The following PTBP2 variants were observed in gnomAD, a reference collection of about 807,000 sequenced individuals.
PTBP2 encodes the protein polypyrimidine tract-binding protein 2.
A neutral mutation model predicts 61.4 loss-of-function variants in PTBP2; 13 were observed. That is an observed-to-expected ratio of 0.21 (90% CI 0.14 to 0.34). The LOEUF is 0.34. PTBP2 is among the 10% of genes least tolerant of loss of function. The pLI, the probability that PTBP2 is intolerant of heterozygous loss-of-function variation, is 1.00. For synonymous variants in PTBP2, 215 were observed against 218.5 expected (o/e 0.98, Z 0.14); for missense variants, 405 against 642.6 (o/e 0.63, Z 4.00).
chr1:96,813,241 A>G (rs369103082), intron 13 of PTBP2, 35 bp from the exon 14 acceptor site: 68 of 1,573,878 alleles, frequency 4.3e-5, no homozygotes, highest in Non-Finnish European at 5.2e-5. Flanking sequence ...TCTAATTTGT[A>G]TGAAGTGTCT....
intron 8 of PTBP2, among the ~76,000 whole-genome samples, chr1:96,798,301 G>A (rs1660600029): frequency 6.6e-6 from 1 of 151,904 alleles, no homozygotes; most frequent in Non-Finnish European, 1.5e-5. Context: ...AGCTACTCAG[G>A]AGGCTGAGTC....
chr1:96,813,661 C>CTTTTTTTTTTTTTTTTT lies in PTBP2; in HGVS notation c.*261_*277dup, dbSNP rs66475516. ...TGTTTAAAATTTCAGTTTAATTTTG[C>CTTTTTTTTTTTTTTTTT]TTTTTTTTTTTTTTTTTTTTTCCTT... On this transcript the variant is annotated 3_prime_UTR_variant, in exon 14 of 14. Coordinates refer to ENST00000674951, the MANE Select transcript of PTBP2 (RefSeq NM_021190.4). 1 of 120,676 alleles carries CTTTTTTTTTTTTTTTTT rather than the reference C, an allele frequency of 8.3e-6. No homozygotes were observed. Among genetic ancestry groups the CTTTTTTTTTTTTTTTTT allele is most frequent in the African/African-American group, 4.0e-5 (1 of 24,966 alleles). The allele number at this position is 120,676 out of a possible 1,614,324, so 7.5% of individuals were successfully genotyped here.
chr1:96,739,661 C>G (rs1652727401), intron 2 of PTBP2, among the ~76,000 whole-genome samples: 1 of 114,190 alleles, frequency 8.8e-6, no homozygotes, highest in Non-Finnish European at 1.6e-5. Context: ...GAGTCTTACT[C>G]TGTCGCCCAG....
intron 8 of PTBP2, among the ~76,000 whole-genome samples, chr1:96,804,075 A>G (rs1365120994): frequency 3.9e-5 from 6 of 152,210 alleles, no homozygotes; most frequent in Non-Finnish European, 7.4e-5. Flanking sequence ...GGAAATTAGA[A>G]CAATAAAATA....
intron 2 of PTBP2, among the ~76,000 whole-genome samples, chr1:96,748,661 T>A (rs1488208547): frequency 2.6e-5 from 4 of 152,200 alleles, no homozygotes; most frequent in South Asian, 4.1e-4. Flanking sequence ...TAATTAAAAA[T>A]TTTTTAAAGA....
At chr1:96,806,591 T>C (rs1296675526) in intron 10 of PTBP2, 139 bp downstream of exon 10, 6 of 970,240 alleles carry the variant, frequency 6.2e-6, no homozygotes, top group Non-Finnish European at 9.2e-6. Context: ...AAACTCTCCA[T>C]AGACACAAAA....
intron 2 of PTBP2, among the ~76,000 whole-genome samples, chr1:96,748,925 G>A (rs118057024): frequency 6.6e-6 from 1 of 152,166 alleles, no homozygotes; most frequent in East Asian, 1.9e-4. Context: ...TGCAAAGACA[G>A]GCATAATTGC....
chr1:96,729,483 G>C (rs1651072819), intron 2 of PTBP2, among the ~76,000 whole-genome samples: 1 of 152,068 alleles, frequency 6.6e-6, no homozygotes, highest in African/African-American at 2.4e-5. Flanking sequence ...CCTTGCTCCT[G>C]ATATTAGGGT....
chr1:96,772,971 AAATT>A (rs971717838), intron 5 of PTBP2, among the ~76,000 whole-genome samples: 4 of 151,376 alleles, frequency 2.6e-5, no homozygotes, highest in Admixed American at 6.6e-5. Flanking sequence ...AAAAAAAAAA[AAATT>A]AGCCAGGCAT....
At chr1:96,763,397 G>A (rs372250572) in intron 3 of PTBP2, among the ~76,000 whole-genome samples, 2 of 152,014 alleles carry the variant, frequency 1.3e-5, no homozygotes, top group South Asian at 2.1e-4. Context: ...CCAACACAGC[G>A]AAACCCCGTC....
chr1:96,769,734 A>G lies in PTBP2; in HGVS notation c.147A>G (p.Gly49=), dbSNP rs139414147. The G allele has an allele frequency of 2.2e-3, 3,460 of 1,603,394 alleles. 16 individuals carry two copies. The highest frequency in any genetic ancestry group is 0.012 in the Middle Eastern group (70 of 6,016). The change falls in exon 4 of 14, where the codon GGA becomes GGG. Residue 49 remains glycine, a synonymous_variant. Transcript: ENST00000674951. The part of the protein sequence containing the change: ...ANGNDSKKFK[G]EDKMDGAPSR... Reference sequence around the variant, plus strand: ...GTAATGATAGTAAAAAATTTAAAGGAGAAGATAAAATGGATGGTGCTCCTT... The same window carrying G: ...GTAATGATAGTAAAAAATTTAAAGGGGAAGATAAAATGGATGGTGCTCCTT...
intron 11 of PTBP2, among the ~76,000 whole-genome samples, chr1:96,808,796 A>AACAC (rs899269881): frequency 6.7e-6 from 1 of 149,520 alleles, no homozygotes. Context: ...TTTCCTTTAA[A>AACAC]ACACACACAC....
At chr1:96,725,641 G>C (rs1650329119) in intron 2 of PTBP2, among the ~76,000 whole-genome samples, 1 of 152,022 alleles carries the variant, frequency 6.6e-6, no homozygotes, top group South Asian at 2.1e-4. Flanking sequence ...ATAAAAGTCT[G>C]AATAATTAAA....
chr1:96,735,255 T>C (rs1442502639), intron 2 of PTBP2, among the ~76,000 whole-genome samples: 2 of 152,118 alleles, frequency 1.3e-5, no homozygotes, highest in Non-Finnish European at 2.9e-5. Context: ...AAAGGATATC[T>C]AAAAAGAAAT....
exon 14 of PTBP2, chr1:96,820,318 G>T (rs1223950641): frequency 2.6e-5 from 4 of 152,024 alleles, no homozygotes; most frequent in Admixed American, 2.6e-4. Flanking sequence ...CATGTACATT[G>T]TAGAGAATAC....
intron 2 of PTBP2, among the ~76,000 whole-genome samples, chr1:96,748,091 C>A (rs1345419979): frequency 6.6e-6 from 1 of 152,118 alleles, no homozygotes; most frequent in Non-Finnish European, 1.5e-5. Flanking sequence ...TTCTTCCTCT[C>A]TGATAATCTA....
chr1:96,756,953 G>A (rs532805737), intron 3 of PTBP2, among the ~76,000 whole-genome samples: 1 of 152,276 alleles, frequency 6.6e-6, no homozygotes, highest in South Asian at 2.1e-4. Flanking sequence ...ATGTGTCAGT[G>A]TAGGTTCATC....
chr1:96,762,426 C>CGGCTGGCCGGGCGGGGGGCTG lies in PTBP2; in HGVS notation c.116-7277_116-7276insGGCTGGCCGGGCGGGGGGCTG, dbSNP rs1656031476. ...CCCCCCACCTCCCTCCCGGATGGGG[C>CGGCTGGCCGGGCGGGGGGCTG]AGCTGGCCGGGCGGGGGGCTGACCC... On this transcript the variant is annotated intron_variant, in intron 3 of 13. Transcript: ENST00000674951. 4.7e-5 allele frequency among the ~76,000 whole-genome samples: 7 copies of CGGCTGGCCGGGCGGGGGGCTG among 148,496 alleles called. 1 individual carries two copies. The highest frequency in any genetic ancestry group is 1.8e-4 in the African/African-American group (7 of 39,642).
intron 7 of PTBP2, among the ~76,000 whole-genome samples, chr1:96,781,157 G>A (rs1318595682): frequency 6.6e-6 from 1 of 151,970 alleles, no homozygotes; most frequent in Non-Finnish European, 1.5e-5. Context: ...AGTAGCCTGG[G>A]CTTCTGGACC....
Sources: allele counts gnomAD v4.1 joint callset (sites outside exome capture counted in the v4.1 genomes callset), GRCh38; gene constraint gnomAD v4.1.1; transcripts MANE v1.5; gene names NCBI Gene and HGNC (gene_info 2026-07-23, HGNC 2026-07-21).